Variants in MTR observed in about 807,000 individuals in gnomAD.
MTR encodes the protein 5-methyltetrahydrofolate-homocysteine methyltransferase.
Under a neutral mutation model 154.8 loss-of-function variants are expected in MTR, and 84 were observed. The ratio of observed to expected loss-of-function variants is 0.54; its 90% CI spans 0.45 to 0.65. The LOEUF (loss-of-function observed/expected upper bound fraction) is 0.65. Among genes scored for constraint, MTR ranks in the 30% least tolerant of loss-of-function variants. MTR has a pLI of 0.00. For synonymous variants in MTR, 554 were observed against 553.9 expected, an observed-to-expected ratio of 1.00 and a Z score of 0.00; for missense variants, 1,275 against 1,570.2, an observed-to-expected ratio of 0.81 and a Z score of 3.18.
chr1:236,823,270 G>T (rs1464767169), intron 8 of MTR, among the ~76,000 whole-genome samples: 2 of 152,094 alleles, frequency 1.3e-5, no homozygotes, highest in East Asian at 3.9e-4. Context: ...TCGAATTCTG[G>T]AATATTTGTA....
intron 15 of MTR, among the ~76,000 whole-genome samples, chr1:236,844,662 C>G (rs546485231): frequency 2.5e-4 from 38 of 152,190 alleles, no homozygotes; most frequent in Admixed American, 1.3e-3. Context: ...GGCTTTAGAT[C>G]AGTAGCTGGA....
In MTR at chr1:236,894,381, G is replaced by A; in HGVS notation, c.3229G>A (p.Glu1077Lys). The part of the protein sequence containing the change: ...QQAEKDSAST[E>K]PYYCLSDFIA... Reference sequence around the variant, plus strand: ...GGCTGAGAAGGACTCTGCCAGCACGGAGCCATACTACTGCCTCTCAGACTT... The same window carrying A: ...GGCTGAGAAGGACTCTGCCAGCACGAAGCCATACTACTGCCTCTCAGACTT... Residue 1077 changes from glutamate (E) to lysine (K), a missense_variant, in exon 30 of 33, where the codon GAG becomes AAG. Physicochemically the swap from Glu to Lys is moderately conservative, Grantham distance 56. Coordinates refer to ENST00000366577, the MANE Select transcript of MTR (RefSeq NM_000254.3). The A allele has an allele frequency of 6.2e-7, 1 of 1,614,220 alleles. No individual in the cohort carries two copies. Among genetic ancestry groups the A allele is most frequent in the East Asian group, 2.2e-5 (1 of 44,880 alleles).
At chr1:236,798,995 G>C (rs1660556742) in intron 1 of MTR, among the ~76,000 whole-genome samples, 2 of 152,136 alleles carry the variant, frequency 1.3e-5, no homozygotes, top group African/African-American at 4.8e-5. Context: ...GAATACAGAA[G>C]GCTAAAAATA....
intron 15 of MTR, among the ~76,000 whole-genome samples, chr1:236,844,261 G>A (rs1663431720): frequency 5.3e-5 from 8 of 152,142 alleles, no homozygotes; most frequent in Admixed American, 5.2e-4. Flanking sequence ...GTTTACCGTT[G>A]GATTTAGAAA....
Position 236,798,377 on chromosome 1 carries a change from A to G in MTR, c.34+2640A>G, listed in dbSNP as rs549470920. ...TCTTAAAGGTGGTACTAGCTGGTCT[A>G]CCCCCCTCCAAATCTGACTAGGGCT... On this transcript the variant is annotated intron_variant, in intron 1 of 32. Coordinates refer to ENST00000366577, the MANE Select transcript of MTR (RefSeq NM_000254.3). Among the ~76,000 whole-genome samples the G allele has an allele frequency of 4.1e-4, 62 of 152,114 alleles. 1 individual carries two copies. Among genetic ancestry groups the G allele is most frequent in the African/African-American group, 1.5e-3 (61 of 41,466 alleles).
In MTR at chr1:236,852,722, C is replaced by T. The variant is rs1663981433; in HGVS notation, c.1812+85C>T. The T allele has an allele frequency of 1.3e-5, 17 of 1,260,524 alleles. 1 individual carries two copies. Among genetic ancestry groups the T allele is most frequent in the African/African-American group, 5.9e-5 (4 of 67,824 alleles). The allele number at this position is 1,260,524 out of a possible 1,614,324, so 78.1% of individuals were successfully genotyped here. ...CAAAGTGTGGCATGCAGGCTAAGTC[C>T]GGCCTGCTGCCAGTTTCTGTAAATA... is the stretch of plus-strand genomic sequence containing the variant. On this transcript the variant is annotated intron_variant, in intron 17 of 32. Transcript: ENST00000366577.
chr1:236,857,482 G>A (rs1426235981), intron 18 of MTR, among the ~76,000 whole-genome samples: 1 of 152,194 alleles, frequency 6.6e-6, no homozygotes, highest in Non-Finnish European at 1.5e-5. Flanking sequence ...TGCCTGGAAG[G>A]TCAAATTTAA....
intron 28 of MTR, among the ~76,000 whole-genome samples, chr1:236,890,029 A>G (rs562779043): frequency 2.0e-4 from 31 of 152,254 alleles, no homozygotes; most frequent in Middle Eastern, 3.4e-3. Flanking sequence ...TCCAAATGCA[A>G]AGCCATTCAA....
chr1:236,822,248 C>A (rs993956399), intron 8 of MTR, among the ~76,000 whole-genome samples: 117 of 143,066 alleles, frequency 8.2e-4, no homozygotes, highest in African/African-American at 2.6e-3. Flanking sequence ...TAGTTTTTTT[C>A]ATATAGATCC....
chr1:236,862,327 G>T lies in MTR; in HGVS notation c.2288G>T (p.Gly763Val), dbSNP rs1447100033. The T allele has an allele frequency of 6.2e-7, 1 of 1,613,516 alleles. No homozygotes were observed. Among genetic ancestry groups the T allele is most frequent in the South Asian group, 1.1e-5 (1 of 91,084 alleles). ...KEREETRVLNGTVEEEDPYQG... is the reference protein window; with the variant it reads ...KEREETRVLNVTVEEEDPYQG... Reference sequence around the variant, plus strand: ...AGAGAAGAAACCAGAGTGCTTAACGGCACAGTAGAAGAAGAGGCAAGTCAT... The same window carrying T: ...AGAGAAGAAACCAGAGTGCTTAACGTCACAGTAGAAGAAGAGGCAAGTCAT... Residue 763 changes from glycine to valine, a missense_variant, in exon 21 of 33, where the codon GGC (glycine) becomes GTC (valine). Transcript: ENST00000366577.
intron 5 of MTR, among the ~76,000 whole-genome samples, chr1:236,812,066 A>T (rs1157292162): frequency 4.6e-5 from 7 of 152,226 alleles, no homozygotes; most frequent in Admixed American, 4.6e-4. Flanking sequence ...TTTTTAAAGT[A>T]GAGTTGGGGT....
chr1:236,853,082 T>C lies in MTR; in HGVS notation c.1947T>C (p.Tyr649=), dbSNP rs1664010219. ...AGGCCACTGAGAAGCTCTTACGTTA[T>C]GCCCAGGTAGAGAGACAAGTGTTCT... ...DPEATEKLLR[Y]AQTQGTGGKK... Residue 649 remains tyrosine (Y), a synonymous_variant, in exon 18 of 33, where the codon TAT becomes TAC. Coordinates refer to ENST00000366577, the MANE Select transcript of MTR (RefSeq NM_000254.3). 3 of 1,613,930 alleles carry C rather than the reference T, an allele frequency of 1.9e-6. No individual in the cohort carries two copies. Among genetic ancestry groups the C allele is most frequent in the Admixed American group, 1.7e-5 (1 of 59,996 alleles).
At chr1:236,872,637 T>C (rs1030515542) in intron 22 of MTR, among the ~76,000 whole-genome samples, 8 of 152,284 alleles carry the variant, frequency 5.3e-5, no homozygotes, top group African/African-American at 1.9e-4. Flanking sequence ...GGGCCCCTTC[T>C]CATTAAAATG....
intron 30 of MTR, 156 bp downstream of exon 30, chr1:236,894,713 T>G: frequency 2.9e-6 from 2 of 697,922 alleles, no homozygotes; most frequent in South Asian, 3.8e-5. Flanking sequence ...TATACGTATT[T>G]TAATATTATG....
At chr1:236,888,914 CA>C (rs1666166266) in intron 27 of MTR, among the ~76,000 whole-genome samples, 1 of 152,086 alleles carries the variant, frequency 6.6e-6, no homozygotes, top group Non-Finnish European at 1.5e-5. Flanking sequence ...CCTTCTTGGG[CA>C]GGGGGTGGGG....
intron 3 of MTR, among the ~76,000 whole-genome samples, chr1:236,808,426 C>T (rs1234987722): frequency 2.0e-5 from 3 of 152,110 alleles, no homozygotes; most frequent in Non-Finnish European, 2.9e-5. Flanking sequence ...GTAAGTTATT[C>T]TCTGACATGC....
chr1:236,860,911 T>A (rs1002997790), intron 19 of MTR, among the ~76,000 whole-genome samples: 10 of 152,160 alleles, frequency 6.6e-5, no homozygotes, highest in African/African-American at 1.9e-4. Context: ...AATAAACATA[T>A]GAGATACTAT....
At chr1:236,863,392 G>C in intron 21 of MTR, 62 bp from the exon 22 acceptor site, 1 of 1,330,960 alleles carries the variant, frequency 7.5e-7, no homozygotes, top group Non-Finnish European at 1.1e-6. Context: ...CCTGGCTCTG[G>C]AGAACTAGGT....
At position 236,900,016 on chromosome 1, in the gene MTR, G is replaced by A; in HGVS notation, c.*2372G>A. 1 of 226,178 alleles carries A rather than the reference G, an allele frequency of 4.4e-6. No individual in the cohort carries two copies. The highest frequency in any genetic ancestry group is 5.9e-5 in the South Asian group (1 of 17,032). The allele number at this position is 226,178 out of a possible 1,614,324, so 14.0% of individuals were successfully genotyped here. On this transcript the variant is annotated 3_prime_UTR_variant, in exon 33 of 33. Transcript: ENST00000366577. ...CTTTAAAAAACAATTATCCCTTACAGACTTGAACATTTGCAGACGTTATGA... is the reference window on the plus strand; with the variant it reads ...CTTTAAAAAACAATTATCCCTTACAAACTTGAACATTTGCAGACGTTATGA...
Sources: gnomAD v4.1 joint callset for allele counts (sites outside exome capture counted in the v4.1 genomes callset) on GRCh38, gnomAD v4.1.1 for gene constraint, MANE v1.5 for transcripts, NCBI Gene and HGNC (gene_info 2026-07-23, HGNC 2026-07-21) for gene names.